The following SLIT3 variants were observed in gnomAD, a reference collection of about 807,000 sequenced individuals.
SLIT3 encodes slit homolog 3 protein.
A neutral mutation model predicts 184.0 loss-of-function variants in SLIT3; 68 were observed. That is an observed-to-expected ratio of 0.37 (90% CI 0.30 to 0.45). The LOEUF is 0.45. SLIT3 is among the 20% of genes least tolerant of loss of function. The pLI is 1.00. For synonymous variants in SLIT3, 831 were observed against 828.6 expected (o/e 1.00, Z -0.05); for missense variants, 1,707 against 2,026.0 (o/e 0.84, Z 3.02).
intron 4 of SLIT3, among the ~76,000 whole-genome samples, chr5:169,178,491 T>A (rs566508841): frequency 5.9e-5 from 9 of 152,298 alleles, no homozygotes; most frequent in African/African-American, 1.9e-4. Flanking sequence ...TGGCACAGAA[T>A]GGAGAGTCAC....
intron 10 of SLIT3, among the ~76,000 whole-genome samples, chr5:168,794,576 G>A (rs1404723341): frequency 6.6e-6 from 1 of 152,236 alleles, no homozygotes; most frequent in Non-Finnish European, 1.5e-5. Context: ...CTGATGTAAT[G>A]CAGTGGTGGA....
intron 10 of SLIT3, chr5:168,791,460 T>A (rs182499315): frequency 6.6e-6 from 1 of 152,346 alleles, no homozygotes; most frequent in East Asian, 1.9e-4. Flanking sequence ...CTTGGTCACT[T>A]TGTCTTTTTC....
At chr5:168,779,684 G>A (rs1005011316) in intron 12 of SLIT3, among the ~76,000 whole-genome samples, 1 of 152,228 alleles carries the variant, frequency 6.6e-6, no homozygotes, top group African/African-American at 2.4e-5. Flanking sequence ...AAAAGCTAGA[G>A]CTGGAGGAGG....
At chr5:168,755,161 G>T (rs533171119) in intron 16 of SLIT3, among the ~76,000 whole-genome samples, 1 of 152,258 alleles carries the variant, frequency 6.6e-6, no homozygotes, top group East Asian at 1.9e-4. Context: ...TACGGATGAT[G>T]GGACTGAGGT....
chr5:168,974,828 C>T (rs1039048605), intron 4 of SLIT3, among the ~76,000 whole-genome samples: 3 of 152,254 alleles, frequency 2.0e-5, no homozygotes, highest in Admixed American at 6.5e-5. Flanking sequence ...CTGATCCCAA[C>T]TGCTGCAGGG....
rs552642812 is a variant in SLIT3, at chr5:169,003,651, C to T, written c.414-120315G>A. On this transcript the variant is annotated intron_variant, in intron 4 of 35. Transcript: ENST00000519560. Reference sequence around the variant, plus strand: ...TCTGAGAGAAGAGTTTCGTCTCACCCATGGCCTGCAATTGCCCTGTCAAAT... The same window carrying T: ...TCTGAGAGAAGAGTTTCGTCTCACCTATGGCCTGCAATTGCCCTGTCAAAT... Among the ~76,000 whole-genome samples the T allele has an allele frequency of 4.6e-5, 7 of 152,316 alleles. No individual in the cohort carries two copies. In the East Asian group the frequency reaches 1.2e-3, roughly 25 times the overall value.
At chr5:169,249,623 A>G (rs1479208469) in intron 2 of SLIT3, among the ~76,000 whole-genome samples, 13 of 152,262 alleles carry the variant, frequency 8.5e-5, no homozygotes, top group Admixed American at 7.8e-4. Context: ...GTGAGAAGGT[A>G]AACAAGCATC....
chr5:169,043,239 CT>C (rs1757508993), intron 4 of SLIT3, among the ~76,000 whole-genome samples: 1 of 152,212 alleles, frequency 6.6e-6, no homozygotes, highest in East Asian at 1.9e-4. Context: ...TTGCTTTGCA[CT>C]TCATTTAGGT....
intron 6 of SLIT3, among the ~76,000 whole-genome samples, chr5:168,837,874 C>T (rs769391629): frequency 5.9e-5 from 9 of 152,292 alleles, no homozygotes; most frequent in Non-Finnish European, 1.0e-4. Flanking sequence ...AAATGAACTC[C>T]AAACCACCTA....
chr5:168,789,726 G>T, intron 10 of SLIT3, 95 bp from the exon 11 acceptor site: 1 of 897,212 alleles, frequency 1.1e-6, no homozygotes, highest in South Asian at 1.5e-5. Context: ...CATTCAAAAT[G>T]GTAAGGATTA....
intron 4 of SLIT3, among the ~76,000 whole-genome samples, chr5:169,129,393 A>C (rs941575715): frequency 6.6e-6 from 1 of 152,096 alleles, no homozygotes; most frequent in Non-Finnish European, 1.5e-5. Context: ...CTCTACTAAA[A>C]ATACAAAAAT....
intron 16 of SLIT3, among the ~76,000 whole-genome samples, chr5:168,755,072 T>G (rs870287): frequency 0.075 from 11,493 of 152,292 alleles, 568 homozygotes; most frequent in Non-Finnish European, 0.11. Flanking sequence ...AGGCACCTCA[T>G]GAGGGATCTG....
intron 5 of SLIT3, among the ~76,000 whole-genome samples, chr5:168,862,057 C>G (rs966836162): frequency 1.4e-4 from 22 of 152,156 alleles, no homozygotes; most frequent in African/African-American, 2.4e-5. Context: ...TGAAGCAGAG[C>G]TAAAGCTGAG....
chr5:168,983,068 G>A (rs935851268), intron 4 of SLIT3, among the ~76,000 whole-genome samples: 1 of 152,130 alleles, frequency 6.6e-6, no homozygotes, highest in African/African-American at 2.4e-5. Flanking sequence ...AAACTGAAAG[G>A]CAAGAAGGGG....
At chr5:168,986,406 T>A (rs1188256018) in intron 4 of SLIT3, among the ~76,000 whole-genome samples, 1 of 152,182 alleles carries the variant, frequency 6.6e-6, no homozygotes, top group Admixed American at 6.5e-5. Flanking sequence ...ATGGCCTCCA[T>A]AGCCCTCCTC....
At chr5:168,962,214 C>A (rs1181037667) in intron 4 of SLIT3, among the ~76,000 whole-genome samples, 1 of 151,976 alleles carries the variant, frequency 6.6e-6, no homozygotes, top group African/African-American at 2.4e-5. Context: ...ACTGGAGATG[C>A]AGCTTCCAGA....
intron 1 of SLIT3, among the ~76,000 whole-genome samples, chr5:169,277,389 C>A (rs1346083101): frequency 6.6e-6 from 1 of 152,118 alleles, no homozygotes; most frequent in Non-Finnish European, 1.5e-5. Flanking sequence ...CACCACTATG[C>A]CCAGCTAAGT....
chr5:169,034,339 G>C (rs1757151676), intron 4 of SLIT3, among the ~76,000 whole-genome samples: 2 of 152,148 alleles, frequency 1.3e-5, no homozygotes, highest in Non-Finnish European at 2.9e-5. Context: ...AATTGTCCAG[G>C]AGCTTTTTCC....
intron 4 of SLIT3, among the ~76,000 whole-genome samples, chr5:169,109,433 A>G (rs149845015): frequency 4.6e-5 from 7 of 152,386 alleles, no homozygotes; most frequent in African/African-American, 1.7e-4. Context: ...ATGAAAATGC[A>G]GTCCAACCAA....
Sources: allele counts gnomAD v4.1 joint callset (sites outside exome capture counted in the v4.1 genomes callset), GRCh38; gene constraint gnomAD v4.1.1; transcripts MANE v1.5; gene names NCBI Gene and HGNC (gene_info 2026-07-23, HGNC 2026-07-21).